ARHGEF10L: variants seen among roughly 807,000 people sequenced by gnomAD.
ARHGEF10L encodes rho guanine nucleotide exchange factor 10-like protein.
ARHGEF10L carries 69 observed loss-of-function variants against 141.2 expected under a neutral mutation model. The observed-to-expected ratio is 0.49, with a 90% CI of 0.40 to 0.60. ARHGEF10L has a LOEUF of 0.60. Among genes scored for constraint, ARHGEF10L ranks in the 20% least tolerant of loss-of-function variants. The pLI is 0.00. For synonymous variants in ARHGEF10L, 711 were observed against 718.5 expected (o/e 0.99, Z 0.17); for missense variants, 1,482 against 1,734.3 (o/e 0.85, Z 2.58).
intron 21 of ARHGEF10L, among the ~76,000 whole-genome samples, chr1:17,647,743 T>A (rs1356161695): frequency 2.6e-5 from 4 of 152,004 alleles, no homozygotes; most frequent in Non-Finnish European, 5.9e-5. Context: ...TTTAGAGTGA[T>A]TCCTGAGAGA....
At chr1:17,645,238 C>G (rs962542246) in intron 21 of ARHGEF10L, among the ~76,000 whole-genome samples, 1 of 152,144 alleles carries the variant, frequency 6.6e-6, no homozygotes, top group Non-Finnish European at 1.5e-5. Context: ...CGACAGCAGT[C>G]TTCTAATTTG....
At position 17,673,500 on chromosome 1, in the gene ARHGEF10L, T is replaced by A. The variant is rs1425737762; in HGVS notation, c.3009+8905T>A. Among the ~76,000 whole-genome samples, 1 of 152,080 alleles carries A rather than the reference T, an allele frequency of 6.6e-6. No individual in the cohort carries two copies. Among genetic ancestry groups the A allele is most frequent in the African/African-American group, 2.4e-5 (1 of 41,384 alleles). ...AGGCCCTGGGTGTAATTAGGGAGGC[T>A]CCCTCCCTGGGTGGTTGGGAAGAAT... On this transcript the variant is annotated intron_variant, in intron 26 of 28. Coordinates refer to ENST00000361221, the MANE Select transcript of ARHGEF10L (RefSeq NM_018125.4). The surrounding 1 kb of genome is among the most constrained non-coding windows in gnomAD (Gnocchi z 4.1).
At chr1:17,626,279 C>G (rs895906933) in intron 14 of ARHGEF10L, among the ~76,000 whole-genome samples, 3 of 152,158 alleles carry the variant, frequency 2.0e-5, no homozygotes, top group African/African-American at 7.2e-5. Flanking sequence ...CTGCTGGTGG[C>G]CTGAGTCTGG....
intron 4 of ARHGEF10L, among the ~76,000 whole-genome samples, chr1:17,588,920 T>G (rs1202438774): frequency 1.9e-4 from 9 of 46,434 alleles, no homozygotes; most frequent in Non-Finnish European, 2.6e-4. Context: ...GTTGGGGGGG[T>G]TTGAGGGTGG....
At chr1:17,535,262 A>G (rs749116380), upstream of ARHGEF10L, among the ~76,000 whole-genome samples, 2 of 152,130 alleles carry the variant, frequency 1.3e-5, no homozygotes, top group Non-Finnish European at 2.9e-5. Flanking sequence ...TGAGAATCTA[A>G]TGCCACCATT....
intron 1 of ARHGEF10L, among the ~76,000 whole-genome samples, chr1:17,551,053 G>A (rs1269066617): frequency 3.3e-5 from 5 of 152,028 alleles, no homozygotes; most frequent in African/African-American, 9.7e-5. Flanking sequence ...GCAGGTGCAC[G>A]ACTGTGTAGG....
chr1:17,629,983 A>G (rs2060590582), intron 15 of ARHGEF10L, among the ~76,000 whole-genome samples: 1 of 152,164 alleles, frequency 6.6e-6, no homozygotes, highest in Non-Finnish European at 1.5e-5. Context: ...GGCTGGAGGT[A>G]AGGGAGACCT....
At position 17,634,545 on chromosome 1, in the gene ARHGEF10L, C is replaced by T; in HGVS notation, c.1731-3C>T. On this transcript the variant is annotated splice_region_variant and splice_polypyrimidine_tract_variant and intron_variant, in intron 16 of 28. Coordinates refer to ENST00000361221, the MANE Select transcript of ARHGEF10L (RefSeq NM_018125.4). The stretch of plus-strand genomic sequence containing the variant: ...TCCCTTTCCTTCTTGTCTTTTTTCC[C>T]AGGCCTGCCAACCACAGGTACGTGG... The T allele has an allele frequency of 6.2e-7, 1 of 1,614,062 alleles. No homozygotes were observed. The highest frequency in any genetic ancestry group is 8.5e-7 in the Non-Finnish European group (1 of 1,179,962).
the ARHGEF10L span, among the ~76,000 whole-genome samples, chr1:17,524,976 T>A: frequency 2.0e-5 from 3 of 152,282 alleles, no homozygotes; most frequent in South Asian, 6.2e-4. Context: ...TCCCATTTTT[T>A]CCTTCAGCAG....
At chr1:17,514,325 A>G in the ARHGEF10L span, among the ~76,000 whole-genome samples, 1 of 151,480 alleles carries the variant, frequency 6.6e-6, no homozygotes, top group Non-Finnish European at 1.5e-5. Context: ...TAGTAGAGAC[A>G]GGGTTTTGCC....
chr1:17,545,044 C>T (rs939726873), intron 1 of ARHGEF10L, among the ~76,000 whole-genome samples: 8 of 152,100 alleles, frequency 5.3e-5, no homozygotes, highest in South Asian at 2.1e-4. Flanking sequence ...ATGGGAGCTA[C>T]AATTCAAGAT....
At chr1:17,546,750 T>C (rs540836653) in intron 1 of ARHGEF10L, among the ~76,000 whole-genome samples, 4 of 152,312 alleles carry the variant, frequency 2.6e-5, no homozygotes, top group South Asian at 2.1e-4. Flanking sequence ...CTGGGTTTGT[T>C]ACCTTGTGGC....
At chr1:17,564,471 G>A (rs924535353) in intron 1 of ARHGEF10L, among the ~76,000 whole-genome samples, 4 of 152,196 alleles carry the variant, frequency 2.6e-5, no homozygotes, top group African/African-American at 9.7e-5. Context: ...GCTCCCATGG[G>A]TGGAGGCTTC....
chr1:17,627,589 C>T lies in ARHGEF10L; in HGVS notation c.1584+86C>T. On this transcript the variant is annotated intron_variant, in intron 15 of 28. Transcript: ENST00000361221. This position sits in a 1 kb window ranked among gnomAD's most constrained non-coding sequence, Gnocchi z 4.0. ...GTGCCCCTGCCCCACGCCACCCACA[C>T]TAGGTGGCAGTGTTCTCTGAGGGAG... 6.8e-7 allele frequency: 1 copy of T among 1,468,352 alleles called. No individual in the cohort carries two copies. The highest frequency in any genetic ancestry group is 9.2e-7 in the Non-Finnish European group (1 of 1,084,396). 91.0% of individuals were successfully genotyped at this position (1,468,352 alleles called of 1,614,324 possible).
At chr1:17,611,100 C>T (rs1392452480) in intron 7 of ARHGEF10L, among the ~76,000 whole-genome samples, 1 of 152,196 alleles carries the variant, frequency 6.6e-6, no homozygotes, top group Non-Finnish European at 1.5e-5. Flanking sequence ...CCTGGCCCAG[C>T]CTGGTCTACC....
chr1:17,585,741 A>G (rs1414399814), intron 2 of ARHGEF10L, among the ~76,000 whole-genome samples: 1 of 152,184 alleles, frequency 6.6e-6, no homozygotes, highest in Non-Finnish European at 1.5e-5. Flanking sequence ...GGAATCAGAT[A>G]TGTCCATCTG....
At chr1:17,608,122 G>A in intron 7 of ARHGEF10L, 145 bp downstream of exon 7, 1 of 918,188 alleles carries the variant, frequency 1.1e-6, no homozygotes, top group Non-Finnish European at 1.5e-6. Flanking sequence ...GTGGTGAGAG[G>A]GGAGCCAGAA....
chr1:17,675,673 GGGTGCACATGT>G (rs2063615487), intron 26 of ARHGEF10L, among the ~76,000 whole-genome samples: 2 of 148,428 alleles, frequency 1.3e-5, no homozygotes, highest in Middle Eastern at 3.8e-3. Context: ...GTGCAGGTGT[GGGTGCACATGT>G]GGTACAGGTG....
At chr1:17,549,012 C>G (rs1054054945) in intron 1 of ARHGEF10L, among the ~76,000 whole-genome samples, 3 of 151,362 alleles carry the variant, frequency 2.0e-5, no homozygotes, top group African/African-American at 7.3e-5. Flanking sequence ...TAACCTTGCC[C>G]TGGTGGTTTT....
Sources: gnomAD v4.1 joint callset for allele counts (sites outside exome capture counted in the v4.1 genomes callset) on GRCh38, gnomAD v4.1.1 for gene constraint, Gnocchi (gnomAD v3.1) non-coding constraint, MANE v1.5 for transcripts, NCBI Gene and HGNC (gene_info 2026-07-23, HGNC 2026-07-21) for gene names.